The following MACC1 variants were observed in gnomAD, a reference collection of about 807,000 sequenced individuals.
MACC1 encodes the protein MET transcriptional regulator MACC1.
In MACC1, 79 loss-of-function variants were observed where a neutral mutation model predicts 70.7. The observed-to-expected ratio is 1.12, with a 90% CI of 0.93 to 1.35. The LOEUF (loss-of-function observed/expected upper bound fraction) is 1.35. Among genes scored for constraint, MACC1 ranks in the 40% most tolerant of loss-of-function variants. MACC1 has a pLI of 0.00. For missense variants in MACC1, 1,106 were observed against 978.1 expected (o/e 1.13, Z -1.74); for synonymous variants, 361 against 347.2 (o/e 1.04, Z -0.44).
chr7:20,161,957 C>T (rs1253874020), intron 3 of MACC1, 87 bp from the exon 4 acceptor site: 22 of 754,284 alleles, frequency 2.9e-5, no homozygotes, highest in Non-Finnish European at 4.8e-5. Context: ...ATACGTATTT[C>T]TATAAAGAAC....
intron 6 of MACC1, among the ~76,000 whole-genome samples, chr7:20,143,333 C>G (rs191722535): frequency 6.6e-6 from 1 of 152,166 alleles, no homozygotes; most frequent in African/African-American, 2.4e-5. Context: ...CATGCACTTA[C>G]GCAGAGCACC....
intron 1 of MACC1, among the ~76,000 whole-genome samples, chr7:20,199,643 G>A (rs1463755763): frequency 1.3e-5 from 2 of 152,154 alleles, no homozygotes; most frequent in Non-Finnish European, 2.9e-5. Context: ...GAAACAGGAA[G>A]CACACAGAGA....
intron 1 of MACC1, among the ~76,000 whole-genome samples, chr7:20,181,899 A>G (rs1052862553): frequency 2.0e-5 from 3 of 152,208 alleles, no homozygotes; most frequent in African/African-American, 7.2e-5. Context: ...CTGACAGATT[A>G]TTAGAACTAA....
intron 1 of MACC1, among the ~76,000 whole-genome samples, chr7:20,178,905 T>G (rs754405113): frequency 5.9e-5 from 9 of 152,182 alleles, no homozygotes; most frequent in Non-Finnish European, 1.0e-4. Context: ...CAGCCCAGAT[T>G]TACCTTTTTT....
At chr7:20,213,168 GA>G (rs975117188) in intron 1 of MACC1, among the ~76,000 whole-genome samples, 5 of 152,014 alleles carry the variant, frequency 3.3e-5, no homozygotes, top group African/African-American at 1.2e-4. Flanking sequence ...CCAATCATAT[GA>G]AAAAAAGCTC....
At chr7:20,199,300 G>T (rs1014094800) in intron 1 of MACC1, among the ~76,000 whole-genome samples, 1 of 152,264 alleles carries the variant, frequency 6.6e-6, no homozygotes, top group Non-Finnish European at 1.5e-5. Context: ...CACAGATAAA[G>T]AGTTGGCAAG....
At chr7:20,154,618 T>C (rs560630103) in intron 5 of MACC1, among the ~76,000 whole-genome samples, 1 of 152,300 alleles carries the variant, frequency 6.6e-6, no homozygotes, top group East Asian at 1.9e-4. Context: ...CAGTGGCTAA[T>C]TATAGGACCT....
chr7:20,196,546 G>C (rs541557830), intron 1 of MACC1, among the ~76,000 whole-genome samples: 2 of 151,952 alleles, frequency 1.3e-5, no homozygotes, highest in Non-Finnish European at 2.9e-5. Context: ...GAGAAAGATA[G>C]TGTATAAATT....
rs971416633 is a variant in MACC1 at position 20,138,172 on chromosome 7, A to C, written c.*2774T>G. The C allele has an allele frequency of 6.8e-6, 1 of 147,634 alleles. No homozygotes were observed. The highest frequency in any genetic ancestry group is 2.6e-5 in the African/African-American group (1 of 38,034). The allele number at this position is 147,634 out of a possible 1,614,324, so 9.1% of individuals were successfully genotyped here. On this transcript the variant is annotated 3_prime_UTR_variant, in exon 7 of 7. Coordinates refer to ENST00000400331, the MANE Select transcript of MACC1 (RefSeq NM_182762.4). ...TGGCTCAAAAAAAAAAAAAAAAAAA[A>C]AAAAAAAAAATTTCCCCTGGAAGGA...
intron 1 of MACC1, among the ~76,000 whole-genome samples, chr7:20,207,758 G>C (rs781043457): frequency 2.0e-5 from 3 of 152,034 alleles, no homozygotes; most frequent in Non-Finnish European, 2.9e-5. Flanking sequence ...GAAACACATA[G>C]GTAAGTGAAC....
Position 20,203,148 on chromosome 7 carries a change from TG to T in MACC1, c.-218+14150del, listed in dbSNP as rs1415378159. Reference sequence around the variant, plus strand: ...CTTAGATTAAAATTAAAAAAAGTCCTGGGTTATTTTAAGTTTCAAAATGCAG... The same window carrying T: ...CTTAGATTAAAATTAAAAAAAGTCCTGGTTATTTTAAGTTTCAAAATGCAG... On this transcript the variant is annotated intron_variant, in intron 1 of 6. Transcript: ENST00000400331. 4.6e-5 allele frequency among the ~76,000 whole-genome samples: 7 copies of T among 152,304 alleles called. No homozygotes were observed. The South Asian group carries it at 1.5e-3, about 32-fold the overall frequency.
chr7:20,168,462 GC>G (rs1340178653), intron 2 of MACC1, among the ~76,000 whole-genome samples: 2 of 152,134 alleles, frequency 1.3e-5, no homozygotes, highest in African/African-American at 4.8e-5. Flanking sequence ...TTAGTTACAA[GC>G]TTCACAGTGA....
intron 3 of MACC1, 144 bp from the exon 4 acceptor site, chr7:20,162,014 C>T (rs1782145903): frequency 3.7e-6 from 2 of 546,938 alleles, no homozygotes; most frequent in Admixed American, 3.1e-5. Context: ...TGGTAGGATA[C>T]TCGACTAGAT....
chr7:20,149,717 T>A (rs1426132249), intron 6 of MACC1, among the ~76,000 whole-genome samples: 1 of 152,178 alleles, frequency 6.6e-6, no homozygotes, highest in African/African-American at 2.4e-5. Flanking sequence ...CAGTGGTCCC[T>A]AGAGCTCACT....
At chr7:20,157,870 T>C (rs1782078608) in intron 5 of MACC1, among the ~76,000 whole-genome samples, 1 of 151,940 alleles carries the variant, frequency 6.6e-6, no homozygotes, top group Non-Finnish European at 1.5e-5. Context: ...TTTGCTTTCA[T>C]GTTATGGAGC....
At chr7:20,190,698 A>T (rs1312935304) in intron 1 of MACC1, among the ~76,000 whole-genome samples, 1 of 152,224 alleles carries the variant, frequency 6.6e-6, no homozygotes, top group Non-Finnish European at 1.5e-5. Context: ...AAAGGTTTTC[A>T]TCACAAGCTC....
At chr7:20,198,372 G>T (rs1296986285) in intron 1 of MACC1, among the ~76,000 whole-genome samples, 1 of 152,126 alleles carries the variant, frequency 6.6e-6, no homozygotes, top group Non-Finnish European at 1.5e-5. Flanking sequence ...GATCATAGAG[G>T]GATAAAGAGC....
intron 1 of MACC1, among the ~76,000 whole-genome samples, chr7:20,180,353 G>C (rs990355231): frequency 2.6e-5 from 4 of 151,544 alleles, no homozygotes; most frequent in African/African-American, 7.3e-5. Flanking sequence ...TGAGGCAGGA[G>C]AATTGCTTGA....
chr7:20,212,277 C>G (rs1783010205), intron 1 of MACC1, among the ~76,000 whole-genome samples: 2 of 152,090 alleles, frequency 1.3e-5, no homozygotes, highest in African/African-American at 4.8e-5. Flanking sequence ...AGGTGTCTTC[C>G]CAGTGGAAAT....
Sources: allele counts gnomAD v4.1 joint callset (sites outside exome capture counted in the v4.1 genomes callset), GRCh38; gene constraint gnomAD v4.1.1; transcripts MANE v1.5; gene names NCBI Gene and HGNC (gene_info 2026-07-23, HGNC 2026-07-21).